CNTN1: variants seen among roughly 807,000 people sequenced by gnomAD.
CNTN1 encodes contactin 1.
A neutral mutation model predicts 126.4 loss-of-function variants in CNTN1; 38 were observed. The observed-to-expected ratio is 0.30, with a 90% CI of 0.23 to 0.39. The LOEUF is 0.39. Ranked by LOEUF, CNTN1 falls within the 10% of genes least tolerant of loss-of-function variation. The probability of loss-of-function intolerance (pLI) is 1.00; values close to 1 mark genes in which losing one functional copy is unlikely to be tolerated. For synonymous variants in CNTN1, 413 were observed against 422.6 expected (o/e 0.98, Z 0.28); for missense variants, 1,009 against 1,248.4 (o/e 0.81, Z 2.89).
chr12:40,768,133 TACA>T (rs1162822396), intron 1 of CNTN1, among the ~76,000 whole-genome samples: 1 of 152,252 alleles, frequency 6.6e-6, no homozygotes, highest in Non-Finnish European at 1.5e-5. Flanking sequence ...TAAATTCCTT[TACA>T]ACATTTGTAT....
At chr12:40,984,550 G>A (rs983605830) in intron 16 of CNTN1, among the ~76,000 whole-genome samples, 1 of 152,114 alleles carries the variant, frequency 6.6e-6, no homozygotes, top group African/African-American at 2.4e-5. Context: ...ATCAGTTCTT[G>A]CATGAGCTAA....
intron 17 of CNTN1, among the ~76,000 whole-genome samples, chr12:41,000,426 G>A (rs971586910): frequency 9.4e-4 from 143 of 151,932 alleles, no homozygotes; most frequent in African/African-American, 3.3e-3. Flanking sequence ...GAGTTATAGG[G>A]GTAAAAGAGT....
intron 1 of CNTN1, among the ~76,000 whole-genome samples, chr12:40,813,364 G>A (rs534468945): frequency 5.9e-5 from 9 of 151,678 alleles, no homozygotes; most frequent in African/African-American, 2.2e-4. Flanking sequence ...CCCACAACAG[G>A]CCAGGGTATG....
chr12:40,858,670 A>C (rs948572813), intron 1 of CNTN1, among the ~76,000 whole-genome samples: 1 of 152,174 alleles, frequency 6.6e-6, no homozygotes, highest in African/African-American at 2.4e-5. Flanking sequence ...ACAGAAATAC[A>C]TGCACACGTA....
intron 6 of CNTN1, among the ~76,000 whole-genome samples, chr12:40,926,195 A>AGATAGAT (rs1555182060): frequency 1.3e-5 from 2 of 151,524 alleles, no homozygotes; most frequent in African/African-American, 2.4e-5. Flanking sequence ...ATAGATAGAT[A>AGATAGAT]GATAGATAGA....
chr12:40,864,415 G>A (rs1327987118), intron 1 of CNTN1, among the ~76,000 whole-genome samples: 1 of 152,032 alleles, frequency 6.6e-6, no homozygotes, highest in African/African-American at 2.4e-5. Flanking sequence ...ATTTATAGTT[G>A]TGCAATCATT....
Position 40,843,048 on chromosome 12 carries a change from G to A in CNTN1, c.-76-65309G>A, listed in dbSNP as rs147425416. On this transcript the variant is annotated intron_variant, in intron 1 of 23. Transcript: ENST00000551295. ...CTGGACCTAAAGTATACCTTAACTA[G>A]AGACATCCAGAATCAACACTGTCAG... Among the ~76,000 whole-genome samples, 66 of 152,212 alleles carry A rather than the reference G, an allele frequency of 4.3e-4. No homozygotes were observed. The East Asian group carries it at 8.7e-3, about 20-fold the overall frequency.
Position 41,027,860 on chromosome 12 carries a change from C to G in CNTN1, c.2714C>G (p.Pro905Arg). The change falls in exon 22 of 24, where the codon CCT becomes CGT. Residue 905 changes from proline (P) to arginine (R), a missense_variant. Coordinates refer to ENST00000551295, the MANE Select transcript of CNTN1 (RefSeq NM_001843.4). ...MIEAFTKKAPPSQPPRIISSV... is the reference protein window; with the variant it reads ...MIEAFTKKAPRSQPPRIISSV... ...TGCATATTACTACTTTTCACAGCTCCTAGCCAGCCTCCAAGGATCATCAGT... is the reference window on the plus strand; with the variant it reads ...TGCATATTACTACTTTTCACAGCTCGTAGCCAGCCTCCAAGGATCATCAGT... 6.2e-7 allele frequency: 1 copy of G among 1,608,936 alleles called. No individual in the cohort carries two copies. The highest frequency in any genetic ancestry group is 8.5e-7 in the Non-Finnish European group (1 of 1,175,436).
chr12:40,712,043 T>C (rs779521857), intron 1 of CNTN1, among the ~76,000 whole-genome samples: 5 of 152,158 alleles, frequency 3.3e-5, no homozygotes, highest in Non-Finnish European at 5.9e-5. Flanking sequence ...AACATTCATC[T>C]ATGCTTACTT....
At chr12:40,708,127 A>G (rs1006353545) in intron 1 of CNTN1, among the ~76,000 whole-genome samples, 5 of 152,190 alleles carry the variant, frequency 3.3e-5, no homozygotes, top group African/African-American at 1.2e-4. Flanking sequence ...TATTACTCAT[A>G]CTATGCTTTC....
rs1266240652 is a variant in CNTN1 at position 41,057,062 on chromosome 12, TATAA to T, written c.2981-12893_2981-12890del. Among the ~76,000 whole-genome samples the T allele has an allele frequency of 2.4e-3, 295 of 123,282 alleles. 13 individuals are homozygous for T. Among genetic ancestry groups the T allele is most frequent in the African/African-American group, 9.6e-3 (281 of 29,158 alleles). The allele number at this position is 123,282 out of a possible 152,430, so 80.9% of individuals were successfully genotyped here. A position where few individuals can be genotyped will look rare whatever the true frequency, so the allele number is the denominator to read the frequency against. ...TAAATATTTAGATATTTATAAATAT[TATAA>T]ATATTTAGATATTTATAAATATTAT... On this transcript the variant is annotated intron_variant, in intron 23 of 23. Coordinates refer to ENST00000551295, the MANE Select transcript of CNTN1 (RefSeq NM_001843.4).
In CNTN1 at chr12:40,789,018, G is replaced by A. The variant is rs531132136; in HGVS notation, c.-77+96426G>A. ...TGAGATTATAGAATCTATAGAGGGA[G>A]TTATGTCTTATATATCTTTCACATC... is the stretch of plus-strand genomic sequence containing the variant. On this transcript the variant is annotated intron_variant, in intron 1 of 23. Transcript: ENST00000551295. 5.3e-5 allele frequency among the ~76,000 whole-genome samples: 8 copies of A among 152,196 alleles called. No homozygotes were observed. The South Asian group carries it at 1.7e-3, about 32-fold the overall frequency.
At chr12:40,913,164 G>C (rs987976853) in intron 3 of CNTN1, among the ~76,000 whole-genome samples, 1 of 152,164 alleles carries the variant, frequency 6.6e-6, no homozygotes, top group Non-Finnish European at 1.5e-5. Context: ...ATTTCTGCAA[G>C]TTTTTGAGGC....
At chr12:40,817,959 A>G (rs938762031) in intron 1 of CNTN1, among the ~76,000 whole-genome samples, 1 of 152,148 alleles carries the variant, frequency 6.6e-6, no homozygotes, top group African/African-American at 2.4e-5. Context: ...TTCTGGGTTG[A>G]AAATTCTTTC....
Position 40,863,067 on chromosome 12 carries a change from A to G in CNTN1, c.-76-45290A>G, listed in dbSNP as rs1020436058. 1.3e-5 allele frequency among the ~76,000 whole-genome samples: 2 copies of G among 152,198 alleles called. 1 individual carries two copies. Among genetic ancestry groups the G allele is most frequent in the Middle Eastern group, 6.3e-3 (2 of 316 alleles). ...TTTGCTGTTTTATAGGCATTGAGGAAGATGTTCATGAGAGCACTGTCCTAA... is the reference window on the plus strand; with the variant it reads ...TTTGCTGTTTTATAGGCATTGAGGAGGATGTTCATGAGAGCACTGTCCTAA... On this transcript the variant is annotated intron_variant, in intron 1 of 23. Coordinates refer to ENST00000551295, the MANE Select transcript of CNTN1 (RefSeq NM_001843.4).
At chr12:40,763,810 A>C (rs1938961133) in intron 1 of CNTN1, among the ~76,000 whole-genome samples, 4 of 152,310 alleles carry the variant, frequency 2.6e-5, no homozygotes, top group South Asian at 4.1e-4. Flanking sequence ...ACAAAATCTT[A>C]TTGGCTTCTA....
At chr12:40,800,028 T>C (rs1940586368) in intron 1 of CNTN1, among the ~76,000 whole-genome samples, 1 of 152,004 alleles carries the variant, frequency 6.6e-6, no homozygotes, top group African/African-American at 2.4e-5. Context: ...TTACAACTAA[T>C]TGGGAAGGTG....
At chr12:41,016,595 G>A (rs1592408803) in intron 18 of CNTN1, 87 bp from the exon 19 acceptor site, 22 of 824,996 alleles carry the variant, frequency 2.7e-5, no homozygotes, top group South Asian at 8.4e-5. Context: ...CAAAGAGCAC[G>A]CCTCCGTGTG....
intron 1 of CNTN1, among the ~76,000 whole-genome samples, chr12:40,898,962 C>A (rs1356312897): frequency 1.3e-5 from 2 of 152,212 alleles, no homozygotes; most frequent in Admixed American, 1.3e-4. Context: ...TCAGAAAGCA[C>A]AGTGGCAGCA....
Sources: allele counts gnomAD v4.1 joint callset (sites outside exome capture counted in the v4.1 genomes callset), GRCh38; gene constraint gnomAD v4.1.1; transcripts MANE v1.5; gene names NCBI Gene and HGNC (gene_info 2026-07-23, HGNC 2026-07-21).